The following TEAD1 variants were observed in gnomAD, a reference collection of about 807,000 sequenced individuals.
The protein encoded by TEAD1 is TEA domain transcription factor 1.
In TEAD1, 9 loss-of-function variants were observed where a neutral mutation model predicts 54.9. The observed-to-expected ratio is 0.16, with a 90% CI of 0.10 to 0.29. TEAD1 has a LOEUF of 0.29. Ranked by LOEUF, TEAD1 falls within the 10% of genes least tolerant of loss-of-function variation. TEAD1 has a pLI of 1.00. For missense variants in TEAD1, 387 were observed against 535.9 expected, an observed-to-expected ratio of 0.72 and a Z score of 2.74; for synonymous variants, 200 against 187.8, an observed-to-expected ratio of 1.07 and a Z score of -0.53.
At chr11:12,858,152 G>A (rs1947429182) in intron 3 of TEAD1, among the ~76,000 whole-genome samples, 1 of 152,160 alleles carries the variant, frequency 6.6e-6, no homozygotes, top group Non-Finnish European at 1.5e-5. Flanking sequence ...TCGTATCAGG[G>A]CCGCTGACAA....
chr11:12,682,027 G>C (rs1046995333), intron 2 of TEAD1, among the ~76,000 whole-genome samples: 1 of 152,158 alleles, frequency 6.6e-6, no homozygotes, highest in Non-Finnish European at 1.5e-5. Flanking sequence ...GCTTAGGTGC[G>C]TTGTGGTAGG....
chr11:12,760,459 C>T (rs2133920632), intron 2 of TEAD1, among the ~76,000 whole-genome samples: 1 of 152,270 alleles, frequency 6.6e-6, no homozygotes, highest in Middle Eastern at 3.4e-3. Context: ...TTGGAGTCTT[C>T]ATATATTCCC....
intron 9 of TEAD1, among the ~76,000 whole-genome samples, chr11:12,884,479 G>A (rs566731965): frequency 5.9e-5 from 9 of 152,282 alleles, no homozygotes; most frequent in East Asian, 1.9e-4. Flanking sequence ...GTAGATAACC[G>A]AGATGCTGAA....
intron 3 of TEAD1, among the ~76,000 whole-genome samples, chr11:12,795,658 C>G (rs527396168): frequency 3.2e-4 from 49 of 152,282 alleles, no homozygotes; most frequent in African/African-American, 1.1e-3. Context: ...GGTCCATGGA[C>G]CAACTGGCAA....
chr11:12,850,104 G>A (rs188409897), intron 3 of TEAD1, among the ~76,000 whole-genome samples: 2 of 152,228 alleles, frequency 1.3e-5, no homozygotes, highest in South Asian at 2.1e-4. Context: ...TTCAAGCAAC[G>A]AAGACATATA....
chr11:12,847,494 G>C (rs1947178513), intron 3 of TEAD1, among the ~76,000 whole-genome samples: 1 of 149,094 alleles, frequency 6.7e-6, no homozygotes, highest in Admixed American at 6.7e-5. Context: ...ATTTGGTGGG[G>C]TGGGGGTGGG....
At chr11:12,763,650 T>G (rs1411371139) in intron 2 of TEAD1, among the ~76,000 whole-genome samples, 1 of 152,238 alleles carries the variant, frequency 6.6e-6, no homozygotes, top group Admixed American at 6.5e-5. Context: ...TAACAGAGTT[T>G]CCGAGTTATG....
intron 7 of TEAD1, among the ~76,000 whole-genome samples, 194 bp from the exon 8 acceptor site, chr11:12,881,702 G>A (rs1947972414): frequency 1.3e-5 from 2 of 152,150 alleles, no homozygotes; most frequent in South Asian, 4.1e-4. Flanking sequence ...GAGGCTTGGT[G>A]GTTTGATCCC....
chr11:12,827,018 G>A (rs1946671590), intron 3 of TEAD1, among the ~76,000 whole-genome samples: 1 of 152,170 alleles, frequency 6.6e-6, no homozygotes, highest in Non-Finnish European at 1.5e-5. Context: ...TCAACTCTCT[G>A]TCTCCAAGAA....
At chr11:12,814,617 C>T (rs993665675) in intron 3 of TEAD1, among the ~76,000 whole-genome samples, 17 of 152,166 alleles carry the variant, frequency 1.1e-4, no homozygotes, top group African/African-American at 3.9e-4. Context: ...AAATGAAGAG[C>T]GTGACAGCAC....
chr11:12,894,976 G>A (rs7126468), intron 9 of TEAD1, among the ~76,000 whole-genome samples: 4,222 of 152,248 alleles, frequency 0.028, 192 homozygotes, highest in African/African-American at 0.096. Context: ...CACTATGGCT[G>A]TGGAAACTGC....
At chr11:12,772,449 C>T (rs771287053) in intron 3 of TEAD1, among the ~76,000 whole-genome samples, 3 of 151,902 alleles carry the variant, frequency 2.0e-5, no homozygotes, top group Non-Finnish European at 2.9e-5. Context: ...GGGGGAGGGC[C>T]GAGAGGGGGC....
At chr11:12,690,418 C>T (rs1943432830) in intron 2 of TEAD1, among the ~76,000 whole-genome samples, 1 of 152,122 alleles carries the variant, frequency 6.6e-6, no homozygotes, top group Non-Finnish European at 1.5e-5. Flanking sequence ...CTTTAAATCA[C>T]ATCCCCACCT....
intron 2 of TEAD1, among the ~76,000 whole-genome samples, chr11:12,685,943 T>A (rs530522172): frequency 6.3e-4 from 96 of 152,328 alleles, no homozygotes; most frequent in Admixed American, 2.0e-3. Context: ...ACCTAGCTTT[T>A]TTCTTAATTT....
At chr11:12,757,221 A>G (rs545331981) in intron 2 of TEAD1, among the ~76,000 whole-genome samples, 212 of 151,846 alleles carry the variant, frequency 1.4e-3, no homozygotes, top group Admixed American at 4.2e-3. Context: ...TGCTCACTCA[A>G]GTTTGCTTTA....
chr11:12,926,175 A>G (rs2134164399), intron 11 of TEAD1, among the ~76,000 whole-genome samples: 1 of 152,292 alleles, frequency 6.6e-6, no homozygotes, highest in South Asian at 2.1e-4. Context: ...AGCTGTACAA[A>G]GACTTTGTGC....
chr11:12,783,412 G>T (rs1945606407), intron 3 of TEAD1, among the ~76,000 whole-genome samples: 1 of 152,036 alleles, frequency 6.6e-6, no homozygotes, highest in Admixed American at 6.5e-5. Context: ...CTTAACAGTG[G>T]TTCCTCCTTT....
At chr11:12,925,262 C>G (rs577969427) in intron 11 of TEAD1, among the ~76,000 whole-genome samples, 39 of 152,272 alleles carry the variant, frequency 2.6e-4, no homozygotes, top group African/African-American at 7.7e-4. Context: ...ACAGGCTTAA[C>G]AGGAAGCATG....
chr11:12,841,805 T>TG (rs1376085349), intron 3 of TEAD1, among the ~76,000 whole-genome samples: 1 of 152,200 alleles, frequency 6.6e-6, no homozygotes, highest in Non-Finnish European at 1.5e-5. Context: ...ATGAGACCTT[T>TG]GGGGAAACTG....
Sources: gnomAD v4.1 joint callset for allele counts (sites outside exome capture counted in the v4.1 genomes callset) on GRCh38, gnomAD v4.1.1 for gene constraint, MANE v1.5 for transcripts, NCBI Gene and HGNC (gene_info 2026-07-23, HGNC 2026-07-21) for gene names.